The following GRWD1 variants were observed in gnomAD, a reference collection of about 807,000 sequenced individuals.
GRWD1 encodes the protein glutamate-rich WD repeat-containing protein 1.
A neutral mutation model predicts 45.3 loss-of-function variants in GRWD1; 29 were observed. The observed-to-expected ratio is 0.64, with a 90% CI of 0.48 to 0.87. The LOEUF is 0.87. Ranked by LOEUF, GRWD1 falls within the 40% of genes least tolerant of loss-of-function variation. The probability of loss-of-function intolerance (pLI) is 0.00; values close to 1 mark genes in which losing one functional copy is unlikely to be tolerated. For missense variants in GRWD1, 592 were observed against 618.8 expected, an observed-to-expected ratio of 0.96 and a Z score of 0.46; for synonymous variants, 262 against 257.6, an observed-to-expected ratio of 1.02 and a Z score of -0.16.
At position 48,451,222 on chromosome 19, in the gene GRWD1, G is replaced by A; in HGVS notation, c.1014G>A (p.Arg338=). Reference sequence around the variant, plus strand: ...GGGCCCTCAAGATCTGGGACCTTCGGCAGTTCAAGGTATTTTCCCAGCCGG... The same window carrying A: ...GGGCCCTCAAGATCTGGGACCTTCGACAGTTCAAGGTATTTTCCCAGCCGG... The part of the protein sequence containing the change: ...DDGALKIWDL[R]QFKSGSPVAT... Residue 338 remains arginine (R), a synonymous_variant, in exon 6 of 7, where the codon CGG becomes CGA. Coordinates refer to ENST00000253237, the MANE Select transcript of GRWD1 (RefSeq NM_031485.4). 1 of 1,593,344 alleles carries A rather than the reference G, an allele frequency of 6.3e-7. No homozygotes were observed. The highest frequency in any genetic ancestry group is 8.6e-7 in the Non-Finnish European group (1 of 1,166,344).
intron 3 of GRWD1, among the ~76,000 whole-genome samples, chr19:48,448,612 G>A (rs1971437537): frequency 6.6e-6 from 1 of 152,216 alleles, no homozygotes; most frequent in Non-Finnish European, 1.5e-5. Flanking sequence ...GTGTGGTTAG[G>A]AAAGTATTCT....
In GRWD1 at chr19:48,446,794, A is replaced by G; in HGVS notation, c.419A>G (p.Gln140Arg). 6.2e-7 allele frequency: 1 copy of G among 1,614,122 alleles called. No individual in the cohort carries two copies. Among genetic ancestry groups the G allele is most frequent in the Non-Finnish European group, 8.5e-7 (1 of 1,180,018 alleles). Residue 140 changes from glutamine (Q) to arginine (R), a missense_variant, in exon 3 of 7, where the codon CAG becomes CGG. Gln to Arg is a conservative substitution (Grantham distance 43). Coordinates refer to ENST00000253237, the MANE Select transcript of GRWD1 (RefSeq NM_031485.4). The stretch of plus-strand genomic sequence containing the variant: ...GAGGATGAAGAAGAGCGGAAACCTC[A>G]GCTGGAGCTGGCCATGGTGCCCCAC... ...DEEDEEERKPQLELAMVPHYG... is the reference protein window; with the variant it reads ...DEEDEEERKPRLELAMVPHYG...
chr19:48,450,669 G>T lies in GRWD1; in HGVS notation c.686G>T (p.Arg229Leu), dbSNP rs150020838. ...ATTTCCTGACTCCCTTCCCCAGGTC[G>T]CCTGCTGACCGGTGACTGTCAAAAG... The part of the protein sequence containing the change: ...ALDWSPRVTG[R>L]LLTGDCQKNI... The change falls in exon 5 of 7, where the codon CGC becomes CTC. Residue 229 changes from arginine (R) to leucine (L), a missense_variant. Arg to Leu is a moderately radical substitution (Grantham distance 102). Transcript: ENST00000253237. The surrounding 1 kb of genome is among the most constrained non-coding windows in gnomAD (Gnocchi z 5.1). 77 of 1,613,316 alleles carry T rather than the reference G, an allele frequency of 4.8e-5. No homozygotes were observed. Among genetic ancestry groups the T allele is most frequent in the Non-Finnish European group, 6.0e-5 (71 of 1,179,800 alleles).
chr19:48,453,112 G>A lies in GRWD1; in HGVS notation c.*87G>A. ...TGGAAGGGGTTCATTCAGGTCTGTT[G>A]ACTGAGACTGGCCGGCCTGTGGGCT... On this transcript the variant is annotated 3_prime_UTR_variant, in exon 7 of 7. Coordinates refer to ENST00000253237, the MANE Select transcript of GRWD1 (RefSeq NM_031485.4). 8.1e-7 allele frequency: 1 copy of A among 1,236,988 alleles called. No homozygotes were observed. Among genetic ancestry groups the A allele is most frequent in the Non-Finnish European group, 1.1e-6 (1 of 894,758 alleles). The allele number at this position is 1,236,988 out of a possible 1,614,324, so 76.6% of individuals were successfully genotyped here.
At chr19:48,449,512 G>C (rs1195075834) in intron 3 of GRWD1, among the ~76,000 whole-genome samples, 1 of 152,188 alleles carries the variant, frequency 6.6e-6, no homozygotes, top group Non-Finnish European at 1.5e-5. Context: ...TTAGGAGCTT[G>C]GCTTTGGTTG....
At chr19:48,447,200 A>G (rs1484026873) in intron 3 of GRWD1, among the ~76,000 whole-genome samples, 2 of 150,980 alleles carry the variant, frequency 1.3e-5, no homozygotes, top group Non-Finnish European at 3.0e-5. Context: ...CAGCCTCCCA[A>G]GTAGCTGGGG....
chr19:48,446,257 G>A, intron 1 of GRWD1, 65 bp downstream of exon 1: 2 of 1,570,296 alleles, frequency 1.3e-6, no homozygotes, highest in South Asian at 2.3e-5. Flanking sequence ...CCTGAGAGGT[G>A]CTCGGGAAGA....
In GRWD1 at chr19:48,446,414, C is replaced by T. The variant is rs758818281; in HGVS notation, c.217C>T (p.Arg73Trp). Residue 73 changes from arginine (R) to tryptophan (W), a missense_variant, in exon 2 of 7, where the codon CGG becomes TGG. Coordinates refer to ENST00000253237, the MANE Select transcript of GRWD1 (RefSeq NM_031485.4). ...CCCCTGTCTCAGCTTTGACATAGTC[C>T]GGGATCACCTGGGAGACAACCGGAC... ...GAPCLSFDIV[R>W]DHLGDNRTEL... 3.1e-6 allele frequency: 5 copies of T among 1,614,080 alleles called. No individual in the cohort carries two copies. Among genetic ancestry groups the T allele is most frequent in the Admixed American group, 1.7e-5 (1 of 60,008 alleles).
rs200635717 is a variant in GRWD1, at chr19:48,446,105, C to T, written c.100C>T (p.Leu34=). The change falls in exon 1 of 7, where the codon CTG becomes TTG. Residue 34 remains leucine (L), a synonymous_variant. Coordinates refer to ENST00000253237, the MANE Select transcript of GRWD1 (RefSeq NM_031485.4). The part of the protein sequence containing the change: ...TSSEGPAQVY[L]PGRGPPLREG... The stretch of plus-strand genomic sequence containing the variant: ...TTCCGAGGGCCCGGCCCAGGTCTAC[C>T]TGCCCGGCCGGGGGCCGCCGCTACG... 16 of 1,594,204 alleles carry T rather than the reference C, an allele frequency of 1.0e-5. No individual in the cohort carries two copies. The highest frequency in any genetic ancestry group is 1.2e-5 in the Non-Finnish European group (14 of 1,173,068).
Position 48,454,801 on chromosome 19 carries a change from T to A in GRWD1, c.*1776T>A, listed in dbSNP as rs1449996305. On this transcript the variant is annotated 3_prime_UTR_variant, in exon 7 of 7. Coordinates refer to ENST00000253237, the MANE Select transcript of GRWD1 (RefSeq NM_031485.4). ...ATCCCCATTTTATGCATTTTCTCAC[T>A]GGCTTCCATCCTTTCAGAGAAACCC... The A allele has an allele frequency of 6.6e-6, 1 of 152,292 alleles. No individual in the cohort carries two copies. Among genetic ancestry groups the A allele is most frequent in the African/African-American group, 2.4e-5 (1 of 41,388 alleles). 9.4% of individuals were successfully genotyped at this position (152,292 alleles called of 1,614,324 possible).
Position 48,450,836 on chromosome 19 carries a change from T to A in GRWD1, c.825+28T>A, listed in dbSNP as rs762055861. 8.7e-6 allele frequency: 14 copies of A among 1,602,476 alleles called. No homozygotes were observed. Among genetic ancestry groups the A allele is most frequent in the Non-Finnish European group, 1.2e-5 (14 of 1,173,054 alleles). ...GAGGGAGGGTGGGGTTCTGGTCGTT[T>A]AGTTCTGATGGATTCTAGGCCAGGG... On this transcript the variant is annotated intron_variant, in intron 5 of 6. Transcript: ENST00000253237. This position sits in a 1 kb window ranked among gnomAD's most constrained non-coding sequence, Gnocchi z 5.1.
intron 3 of GRWD1, among the ~76,000 whole-genome samples, chr19:48,448,981 G>C (rs971696591): frequency 5.3e-5 from 8 of 152,150 alleles, no homozygotes; most frequent in Admixed American, 2.0e-4. Context: ...CAATTGCAGA[G>C]AGGTAAGGGT....
chr19:48,451,633 A>G (rs2147485947), intron 6 of GRWD1, among the ~76,000 whole-genome samples: 1 of 152,326 alleles, frequency 6.6e-6, no homozygotes, highest in Middle Eastern at 3.4e-3. Flanking sequence ...AGGCACAGAA[A>G]GGACAGGAGC....
intron 3 of GRWD1, among the ~76,000 whole-genome samples, chr19:48,448,303 G>A (rs900777816): frequency 1.3e-5 from 2 of 152,154 alleles, no homozygotes; most frequent in African/African-American, 2.4e-5. Flanking sequence ...AGGTAGACTT[G>A]TAAGTACAAT....
At chr19:48,449,232 T>TA (rs1971443739) in intron 3 of GRWD1, among the ~76,000 whole-genome samples, 2 of 152,140 alleles carry the variant, frequency 1.3e-5, no homozygotes, top group Non-Finnish European at 2.9e-5. Flanking sequence ...TAGCTGGGAT[T>TA]ACAGCCACCC....
intron 3 of GRWD1, among the ~76,000 whole-genome samples, chr19:48,447,776 G>A (rs1171153020): frequency 1.3e-5 from 2 of 152,352 alleles, no homozygotes; most frequent in Non-Finnish European, 2.9e-5. Flanking sequence ...TTTAGATTAT[G>A]AGGATATGGT....
chr19:48,451,280 A>G, intron 6 of GRWD1, 49 bp downstream of exon 6: 1 of 1,466,578 alleles, frequency 6.8e-7, no homozygotes, highest in Non-Finnish European at 9.2e-7. Context: ...TGCTCCCAGC[A>G]GCCCCTGGGA....
chr19:48,452,923 C>T lies in GRWD1; in HGVS notation c.1239C>T (p.Gly413=), dbSNP rs778303240. 1.8e-5 allele frequency: 29 copies of T among 1,611,886 alleles called. No individual in the cohort carries two copies. The Admixed American group carries it at 2.8e-4, about 16-fold the overall frequency. Residue 413 remains glycine (G), a synonymous_variant, in exon 7 of 7, where the codon GGC becomes GGT. Transcript: ENST00000253237. This position sits in a 1 kb window ranked among gnomAD's most constrained non-coding sequence, Gnocchi z 5.1. ...AGCAGCTGCTGTTCGTGCACCAGGG[C>T]GAGACCGAGCTGAAGGAGCTGCACT... The part of the protein sequence containing the change: ...LPQQLLFVHQ[G]ETELKELHWH...
rs1971546782 is a variant in GRWD1 at position 48,456,989 on chromosome 19, CT to C, written c.*3965del. On this transcript the variant is annotated 3_prime_UTR_variant, in exon 7 of 7. Coordinates refer to ENST00000253237, the MANE Select transcript of GRWD1 (RefSeq NM_031485.4). ...ACAGGTGTGAGCCACCGCACCTGCC[CT>C]CTTTTTTTTTTTTTTTTCTTTAAGA... is the stretch of plus-strand genomic sequence containing the variant. 1 of 143,328 alleles carries C rather than the reference CT, an allele frequency of 7.0e-6. No individual in the cohort carries two copies. The highest frequency in any genetic ancestry group is 1.5e-5 in the Non-Finnish European group (1 of 67,130). The allele number at this position is 143,328 out of a possible 1,614,324, so 8.9% of individuals were successfully genotyped here.
Sources: gnomAD v4.1 joint callset for allele counts (sites outside exome capture counted in the v4.1 genomes callset) on GRCh38, gnomAD v4.1.1 for gene constraint, Gnocchi (gnomAD v3.1) non-coding constraint, MANE v1.5 for transcripts, NCBI Gene and HGNC (gene_info 2026-07-23, HGNC 2026-07-21) for gene names.